The following OSBPL6 variants were observed in gnomAD, a reference collection of about 807,000 sequenced individuals.
The protein encoded by OSBPL6 is oxysterol-binding protein-related protein 6.
A neutral mutation model predicts 125.8 loss-of-function variants in OSBPL6; 49 were observed. That is an observed-to-expected ratio of 0.39 (90% CI 0.31 to 0.49). The LOEUF is 0.49. Among genes scored for constraint, OSBPL6 ranks in the 20% least tolerant of loss-of-function variants. The pLI, the probability that OSBPL6 is intolerant of heterozygous loss-of-function variation, is 0.88. For synonymous variants in OSBPL6, 394 were observed against 391.8 expected (o/e 1.01, Z -0.07); for missense variants, 986 against 1,135.4 (o/e 0.87, Z 1.89).
At position 178,306,214 on chromosome 2, in the gene OSBPL6, T is replaced by C; in HGVS notation, c.30T>C (p.Pro10=). The change falls in exon 3 of 25, where the codon CCT becomes CCC. Residue 10 remains proline (P), a synonymous_variant. Transcript: ENST00000190611. ...GTTCAGATGAGAAGGGCATTTCCCC[T>C]GCTCATAAAACATCCACTCCAACCC... MSSDEKGIS[P]AHKTSTPTHR... is the part of the protein sequence containing the mutation. The C allele has an allele frequency of 6.2e-7, 1 of 1,613,868 alleles. No homozygotes were observed. Among genetic ancestry groups the C allele is most frequent in the Non-Finnish European group, 8.5e-7 (1 of 1,179,770 alleles).
chr2:178,319,942 G>A (rs1284901850), intron 3 of OSBPL6, among the ~76,000 whole-genome samples: 1 of 152,222 alleles, frequency 6.6e-6, no homozygotes, highest in Non-Finnish European at 1.5e-5. Flanking sequence ...AACATTCAGA[G>A]AGCAGTGGAC....
At position 178,361,617 on chromosome 2, in the gene OSBPL6, T is replaced by G. The variant is rs560576294; in HGVS notation, c.1154-65T>G. 2.0e-4 allele frequency: 318 copies of G among 1,563,680 alleles called. 6 individuals are homozygous for G. In the South Asian group the frequency reaches 3.4e-3, roughly 17 times the overall value. On this transcript the variant is annotated intron_variant, in intron 12 of 24. Transcript: ENST00000190611. ...TTTGTGAGTGAAAGTCTGGAGAAATTTATAATGTTGTGTATTCTTTCTGCA... is the reference window on the plus strand; with the variant it reads ...TTTGTGAGTGAAAGTCTGGAGAAATGTATAATGTTGTGTATTCTTTCTGCA...
intron 2 of OSBPL6, among the ~76,000 whole-genome samples, chr2:178,289,542 C>T (rs1255959696): frequency 6.6e-6 from 1 of 152,154 alleles, no homozygotes; most frequent in Non-Finnish European, 1.5e-5. Context: ...AACCATATTG[C>T]CATGTCACAC....
intron 9 of OSBPL6, 22 bp downstream of exon 9, chr2:178,336,455 C>T: frequency 6.2e-7 from 1 of 1,610,688 alleles, no homozygotes; most frequent in South Asian, 1.1e-5. Flanking sequence ...CCCAGTGTGG[C>T]CTGAGAGTAA....
chr2:178,345,875 C>T (rs1199680181), intron 11 of OSBPL6, among the ~76,000 whole-genome samples: 1 of 152,082 alleles, frequency 6.6e-6, no homozygotes, highest in African/African-American at 2.4e-5. Flanking sequence ...CTGAGATTAG[C>T]ACCTATTTGA....
chr2:178,232,405 C>T (rs1443598001), intron 1 of OSBPL6, among the ~76,000 whole-genome samples: 5 of 152,156 alleles, frequency 3.3e-5, no homozygotes, highest in African/African-American at 1.2e-4. Flanking sequence ...GAGGGGAAGG[C>T]TCTGGACTCA....
chr2:178,269,907 G>A (rs2092333960), intron 1 of OSBPL6, among the ~76,000 whole-genome samples: 1 of 152,210 alleles, frequency 6.6e-6, no homozygotes, highest in South Asian at 2.1e-4. Context: ...TTTATCACTT[G>A]CCAGGTTCAT....
intron 3 of OSBPL6, among the ~76,000 whole-genome samples, chr2:178,308,808 A>G (rs922191461): frequency 2.1e-5 from 3 of 145,780 alleles, no homozygotes; most frequent in Non-Finnish European, 4.6e-5. Flanking sequence ...TCCCACTGTC[A>G]GCTCCCTCTC....
rs532856368 is a variant in OSBPL6, at chr2:178,380,810, T to C, written c.1534-1610T>C. ...CTTGTTATAATCATATAATGAAATA[T>C]GTTGCCTTTCCAAATAAAGTAGCTG... On this transcript the variant is annotated intron_variant, in intron 15 of 24. Transcript: ENST00000190611. Among the ~76,000 whole-genome samples the C allele has an allele frequency of 2.0e-5, 3 of 152,330 alleles. No homozygotes were observed. In the East Asian group the frequency reaches 5.8e-4, roughly 29 times the overall value.
At chr2:178,272,675 T>C (rs2092395769) in intron 1 of OSBPL6, among the ~76,000 whole-genome samples, 1 of 152,224 alleles carries the variant, frequency 6.6e-6, no homozygotes, top group Non-Finnish European at 1.5e-5. Context: ...TCATTGCATA[T>C]CTTTTTAACT....
At chr2:178,285,325 ATGTG>A (rs1322591182) in intron 2 of OSBPL6, among the ~76,000 whole-genome samples, 1 of 152,180 alleles carries the variant, frequency 6.6e-6, no homozygotes, top group Non-Finnish European at 1.5e-5. Context: ...AAGTAGAAAA[ATGTG>A]AAAATATTTG....
chr2:178,286,086 T>C (rs1405300323), intron 2 of OSBPL6, among the ~76,000 whole-genome samples: 1 of 152,238 alleles, frequency 6.6e-6, no homozygotes, highest in African/African-American at 2.4e-5. Flanking sequence ...GCTTGCAAAG[T>C]AGCCCACAGG....
At chr2:178,325,485 G>A (rs995259219) in intron 4 of OSBPL6, among the ~76,000 whole-genome samples, 1 of 152,168 alleles carries the variant, frequency 6.6e-6, no homozygotes, top group Non-Finnish European at 1.5e-5. Flanking sequence ...AACATAAGTG[G>A]TCTGACTTCC....
intron 15 of OSBPL6, among the ~76,000 whole-genome samples, chr2:178,375,971 T>C (rs1693839520): frequency 6.6e-6 from 1 of 151,628 alleles, no homozygotes; most frequent in South Asian, 2.1e-4. Context: ...AGGTGAGGGG[T>C]TGGGGAGTGA....
intron 1 of OSBPL6, among the ~76,000 whole-genome samples, chr2:178,283,762 C>T (rs1232345428): frequency 6.6e-6 from 1 of 152,148 alleles, no homozygotes; most frequent in East Asian, 1.9e-4. Flanking sequence ...CAGGCTGCTT[C>T]CATTCGTGGC....
At chr2:178,370,173 G>C (rs978217233) in intron 13 of OSBPL6, among the ~76,000 whole-genome samples, 1 of 152,198 alleles carries the variant, frequency 6.6e-6, no homozygotes, top group African/African-American at 2.4e-5. Flanking sequence ...GCTGAGGCAT[G>C]AGAATCACTT....
intron 1 of OSBPL6, among the ~76,000 whole-genome samples, chr2:178,246,145 T>A (rs551597179): frequency 2.1e-4 from 32 of 152,316 alleles, no homozygotes; most frequent in African/African-American, 7.2e-4. Context: ...CCCACTTCTC[T>A]TTCATGTCAC....
chr2:178,329,971 C>T (rs1050261238), intron 5 of OSBPL6, among the ~76,000 whole-genome samples: 1 of 152,170 alleles, frequency 6.6e-6, no homozygotes, highest in Non-Finnish European at 1.5e-5. Flanking sequence ...CCCCGGTGCC[C>T]TGTCTCTGAA....
At chr2:178,331,028 T>C (rs1445968788) in intron 5 of OSBPL6, among the ~76,000 whole-genome samples, 1 of 152,262 alleles carries the variant, frequency 6.6e-6, no homozygotes, top group African/African-American at 2.4e-5. Flanking sequence ...GATGCAAGCA[T>C]ATTACTAAGC....
Sources: gnomAD v4.1 joint callset for allele counts (sites outside exome capture counted in the v4.1 genomes callset) on GRCh38, gnomAD v4.1.1 for gene constraint, MANE v1.5 for transcripts, NCBI Gene and HGNC (gene_info 2026-07-23, HGNC 2026-07-21) for gene names.